The following PCDHGA9 variants were observed in gnomAD, a reference collection of about 807,000 sequenced individuals.
PCDHGA9 encodes the protein protocadherin gamma-A9.
In PCDHGA9, 37 loss-of-function variants were observed where a neutral mutation model predicts 62.5. The observed-to-expected ratio is 0.59, with a 90% CI of 0.46 to 0.78. The LOEUF is 0.78. Among genes scored for constraint, PCDHGA9 ranks in the 30% least tolerant of loss-of-function variants. The probability of loss-of-function intolerance (pLI) is 0.00; values close to 1 mark genes in which losing one functional copy is unlikely to be tolerated. For synonymous variants in PCDHGA9, 459 were observed against 484.6 expected, an observed-to-expected ratio of 0.95 and a Z score of 0.69; for missense variants, 1,138 against 1,166.2, an observed-to-expected ratio of 0.98 and a Z score of 0.35.
At chr5:141,505,673 G>C (rs1389292278) in intron 3 of PCDHGA9, among the ~76,000 whole-genome samples, 192 bp downstream of exon 3, 1 of 152,178 alleles carries the variant, frequency 6.6e-6, no homozygotes, top group East Asian at 1.9e-4. Context: ...AGGGGTTGGG[G>C]GTCCTGGGAT....
intron 1 of PCDHGA9, among the ~76,000 whole-genome samples, chr5:141,488,870 G>T (rs2099680071): frequency 6.6e-6 from 1 of 152,224 alleles, no homozygotes; most frequent in African/African-American, 2.4e-5. Context: ...TGAGTGGGGA[G>T]GTAGGAAGCT....
chr5:141,482,492 T>C (rs1167963137), intron 1 of PCDHGA9, among the ~76,000 whole-genome samples: 1 of 144,468 alleles, frequency 6.9e-6, no homozygotes, highest in Non-Finnish European at 1.5e-5. Flanking sequence ...TTAAAAGTTA[T>C]CATTCTGGTA....
In PCDHGA9 at chr5:141,476,574, G is replaced by C. The variant is rs746783993; in HGVS notation, c.2425-18233G>C. The C allele has an allele frequency of 1.1e-5, 18 of 1,614,084 alleles. No homozygotes were observed. The Admixed American group carries it at 1.8e-4, about 16-fold the overall frequency. On this transcript the variant is annotated intron_variant, in intron 1 of 3. Coordinates refer to ENST00000573521, the MANE Select transcript of PCDHGA9 (RefSeq NM_018921.3). The surrounding 1 kb of genome is among the most constrained non-coding windows in gnomAD (Gnocchi z 7.6). ...AGCGAGGCCGTGGCTCCGGGGACGC[G>C]CTTTCCGCTCGAGAGCGCGCACGAT...
At chr5:141,495,771 C>T (rs941051365) in intron 2 of PCDHGA9, among the ~76,000 whole-genome samples, 1 of 152,110 alleles carries the variant, frequency 6.6e-6, no homozygotes, top group Non-Finnish European at 1.5e-5. Flanking sequence ...TGTCCTTGTC[C>T]TGGACCTCTT....
At chr5:141,510,900 G>A in intron 3 of PCDHGA9, 47 bp from the exon 4 acceptor site, 6 of 1,613,378 alleles carry the variant, frequency 3.7e-6, no homozygotes, top group Non-Finnish European at 5.1e-6. Context: ...AGTGACTGTT[G>A]AGGACCCTAA....
In PCDHGA9 at chr5:141,432,916, G is replaced by C; in HGVS notation, c.2424+27540G>C. ...TGCTGGCGCTCAGGCTGCGGCGCTG[G>C]CACAAGTCACGCCTGCTGCAGGCTT... On this transcript the variant is annotated intron_variant, in intron 1 of 3. Coordinates refer to ENST00000573521, the MANE Select transcript of PCDHGA9 (RefSeq NM_018921.3). The surrounding 1 kb of genome is among the most constrained non-coding windows in gnomAD (Gnocchi z 6.0). 1 of 1,614,196 alleles carries C rather than the reference G, an allele frequency of 6.2e-7. No homozygotes were observed. The highest frequency in any genetic ancestry group is 8.5e-7 in the Non-Finnish European group (1 of 1,180,040).
At chr5:141,492,512 T>A (rs2099741406) in intron 1 of PCDHGA9, among the ~76,000 whole-genome samples, 1 of 152,116 alleles carries the variant, frequency 6.6e-6, no homozygotes, top group Admixed American at 6.5e-5. Flanking sequence ...GAGCCTCCTC[T>A]CACCTCTCCC....
At position 141,431,174 on chromosome 5, in the gene PCDHGA9, G is replaced by C. The variant is rs568632160; in HGVS notation, c.2424+25798G>C. 6.2e-7 allele frequency: 1 copy of C among 1,614,224 alleles called. No individual in the cohort carries two copies. The highest frequency in any genetic ancestry group is 1.1e-5 in the South Asian group (1 of 91,088). ...GCCTTACTTTCGTGAAAGTGAATTA[G>C]AAATAAAAATTAGTGAAAATGCAGC... is the stretch of plus-strand genomic sequence containing the variant. On this transcript the variant is annotated intron_variant, in intron 1 of 3. Coordinates refer to ENST00000573521, the MANE Select transcript of PCDHGA9 (RefSeq NM_018921.3). This position sits in a 1 kb window ranked among gnomAD's most constrained non-coding sequence, Gnocchi z 4.8.
At chr5:141,413,396 G>A in intron 1 of PCDHGA9, 1 of 1,614,060 alleles carries the variant, frequency 6.2e-7, no homozygotes, top group Non-Finnish European at 8.5e-7. Flanking sequence ...GTCTCCAGAG[G>A]TAGGACGCAG....
At chr5:141,483,425 G>A (rs1460083757) in intron 1 of PCDHGA9, among the ~76,000 whole-genome samples, 1 of 152,116 alleles carries the variant, frequency 6.6e-6, no homozygotes, top group Non-Finnish European at 1.5e-5. Flanking sequence ...ACAGATGGAG[G>A]GAGCTGACTA....
At chr5:141,438,631 TATATACACAC>T (rs1330021858) in intron 1 of PCDHGA9, among the ~76,000 whole-genome samples, 2,835 of 42,824 alleles carry the variant, frequency 0.066, 23 homozygotes, top group African/African-American at 0.13. Flanking sequence ...TATATATATA[TATATACACAC>T]ACACACACAC....
chr5:141,426,802 C>G (rs2096961440), intron 1 of PCDHGA9: 1 of 456,696 alleles, frequency 2.2e-6, no homozygotes, highest in South Asian at 1.5e-5. Flanking sequence ...CAGCTCAGTT[C>G]TAATGAACAT....
intron 1 of PCDHGA9, chr5:141,442,367 T>C (rs1304138950): frequency 6.6e-6 from 1 of 152,282 alleles, no homozygotes; most frequent in Non-Finnish European, 1.5e-5. Flanking sequence ...TATGATGCCA[T>C]ATTCCTACCA....
intron 1 of PCDHGA9, among the ~76,000 whole-genome samples, chr5:141,457,477 C>A (rs964080100): frequency 2.0e-5 from 3 of 152,134 alleles, no homozygotes; most frequent in African/African-American, 7.2e-5. Context: ...TAAGCAGGGC[C>A]AGGGTTAGTC....
Position 141,432,029 on chromosome 5 carries a change from G to A in PCDHGA9, c.2424+26653G>A. 6.2e-7 allele frequency: 1 copy of A among 1,614,178 alleles called. No individual in the cohort carries two copies. Among genetic ancestry groups the A allele is most frequent in the South Asian group, 1.1e-5 (1 of 91,086 alleles). ...TCCTAGCTACAACATCACAGTGACC[G>A]CCACTGACCGGGGAACCCCGCCCCT... On this transcript the variant is annotated intron_variant, in intron 1 of 3. Coordinates refer to ENST00000573521, the MANE Select transcript of PCDHGA9 (RefSeq NM_018921.3). This position sits in a 1 kb window ranked among gnomAD's most constrained non-coding sequence, Gnocchi z 6.0.
At chr5:141,433,066 C>A in intron 1 of PCDHGA9, 2 of 1,614,210 alleles carry the variant, frequency 1.2e-6, no homozygotes, top group Non-Finnish European at 1.7e-6. Context: ...GTCACCTGAT[C>A]TTCCCCCAGC....
At chr5:141,427,526 G>A (rs956426158) in intron 1 of PCDHGA9, 2 of 612,866 alleles carry the variant, frequency 3.3e-6, no homozygotes, top group Middle Eastern at 2.6e-4. Context: ...AGCGGATCCC[G>A]GAGTACAACG....
intron 1 of PCDHGA9, among the ~76,000 whole-genome samples, chr5:141,481,031 C>G (rs926205148): frequency 1.3e-5 from 2 of 152,108 alleles, no homozygotes; most frequent in Non-Finnish European, 2.9e-5. Flanking sequence ...GCACTCCAGC[C>G]TGGGCGACAG....
Position 141,431,910 on chromosome 5 carries a change from G to A in PCDHGA9, c.2424+26534G>A. The A allele has an allele frequency of 6.2e-7, 1 of 1,614,096 alleles. No individual in the cohort carries two copies. Among genetic ancestry groups the A allele is most frequent in the Non-Finnish European group, 8.5e-7 (1 of 1,179,934 alleles). On this transcript the variant is annotated intron_variant, in intron 1 of 3. Transcript: ENST00000573521. This position sits in a 1 kb window ranked among gnomAD's most constrained non-coding sequence, Gnocchi z 4.8. ...TCTGAGGAAAACGGACAGGTGATCTGTTTCATCCAAGGAAATCTGCCCTTT... is the reference window on the plus strand; with the variant it reads ...TCTGAGGAAAACGGACAGGTGATCTATTTCATCCAAGGAAATCTGCCCTTT...
Sources: allele counts gnomAD v4.1 joint callset (sites outside exome capture counted in the v4.1 genomes callset), GRCh38; gene constraint gnomAD v4.1.1; non-coding constraint Gnocchi (gnomAD v3.1); transcripts MANE v1.5; gene names NCBI Gene and HGNC (gene_info 2026-07-23, HGNC 2026-07-21).